AKT3: variants seen among roughly 807,000 people sequenced by gnomAD.
AKT3 encodes AKT serine/threonine kinase 3.
In AKT3, 15 loss-of-function variants were observed where a neutral mutation model predicts 65.3. That is an observed-to-expected ratio of 0.23 (90% CI 0.15 to 0.35). AKT3 has a LOEUF of 0.35. Among genes scored for constraint, AKT3 ranks in the 10% least tolerant of loss-of-function variants. The pLI is 1.00. For missense variants in AKT3, 243 were observed against 576.5 expected (o/e 0.42, Z 5.92); for synonymous variants, 206 against 183.8 (o/e 1.12, Z -0.98).
At chr1:243,776,129 CACAT>C (rs1174539884) in intron 2 of AKT3, among the ~76,000 whole-genome samples, 1 of 152,138 alleles carries the variant, frequency 6.6e-6, no homozygotes, top group Middle Eastern at 3.2e-3. Flanking sequence ...TGAATGTTAT[CACAT>C]ACTTTCCATC....
chr1:243,613,230 C>A (rs1382466332), intron 8 of AKT3, among the ~76,000 whole-genome samples: 2 of 149,978 alleles, frequency 1.3e-5, no homozygotes, highest in Non-Finnish European at 3.0e-5. Flanking sequence ...TAGTACTCTA[C>A]TATAAAGAAG....
intron 2 of AKT3, among the ~76,000 whole-genome samples, chr1:243,727,014 C>T (rs1473738551): frequency 6.6e-6 from 1 of 152,170 alleles, no homozygotes; most frequent in Admixed American, 6.5e-5. Flanking sequence ...TGGTAAAGCC[C>T]ACCTCCTTGG....
intron 2 of AKT3, among the ~76,000 whole-genome samples, chr1:243,802,819 T>G (rs1692458772): frequency 6.6e-6 from 1 of 152,170 alleles, no homozygotes; most frequent in African/African-American, 2.4e-5. Context: ...CATCCAGTGC[T>G]TTTCAGCAAA....
intron 6 of AKT3, among the ~76,000 whole-genome samples, chr1:243,625,512 T>C (rs1451907025): frequency 2.0e-5 from 3 of 152,090 alleles, no homozygotes; most frequent in African/African-American, 7.2e-5. Flanking sequence ...AAAGCTTGGA[T>C]TTTGGTTAGC....
At chr1:243,795,475 G>GT (rs369512939) in intron 2 of AKT3, among the ~76,000 whole-genome samples, 50,694 of 87,544 alleles carry the variant, frequency 0.58, 15,330 homozygotes, top group Non-Finnish European at 0.66. Flanking sequence ...TTTTTTTTTT[G>GT]GTTTTTTTTT....
chr1:243,808,704 G>C (rs565845483), intron 2 of AKT3, among the ~76,000 whole-genome samples: 18 of 152,090 alleles, frequency 1.2e-4, no homozygotes, highest in African/African-American at 4.1e-4. Flanking sequence ...TCCTCAAGAA[G>C]AGCAACTCCA....
At chr1:243,657,976 T>C (rs1434035766) in intron 4 of AKT3, among the ~76,000 whole-genome samples, 1 of 151,604 alleles carries the variant, frequency 6.6e-6, no homozygotes, top group Non-Finnish European at 1.5e-5. Context: ...CAAAACCAAC[T>C]CAAAATGGAT....
At chr1:243,764,442 G>A (rs568367954) in intron 2 of AKT3, among the ~76,000 whole-genome samples, 4 of 152,128 alleles carry the variant, frequency 2.6e-5, no homozygotes, top group Admixed American at 6.6e-5. Context: ...TGTGTACTGA[G>A]AGTACAATTC....
intron 9 of AKT3, among the ~76,000 whole-genome samples, chr1:243,566,203 C>A (rs543747432): frequency 6.6e-6 from 1 of 152,068 alleles, no homozygotes; most frequent in Non-Finnish European, 1.5e-5. Flanking sequence ...TGTGTGTGTA[C>A]GTGTGTGTAA....
intron 2 of AKT3, among the ~76,000 whole-genome samples, chr1:243,782,777 C>A (rs1690995246): frequency 6.6e-6 from 1 of 152,078 alleles, no homozygotes; most frequent in African/African-American, 2.4e-5. Context: ...CACGTATGGG[C>A]ACTCACGCAT....
At chr1:243,514,651 A>C (rs1247164532) in intron 12 of AKT3, among the ~76,000 whole-genome samples, 1 of 152,188 alleles carries the variant, frequency 6.6e-6, no homozygotes, top group Admixed American at 6.5e-5. Context: ...CATACACTAA[A>C]CAGCACACAT....
At chr1:243,743,292 C>T (rs975622064) in intron 2 of AKT3, among the ~76,000 whole-genome samples, 12 of 152,144 alleles carry the variant, frequency 7.9e-5, no homozygotes, top group African/African-American at 2.9e-4. Flanking sequence ...GGAAGAAAAA[C>T]TTTGTATATA....
intron 2 of AKT3, among the ~76,000 whole-genome samples, chr1:243,719,552 T>C (rs1030609444): frequency 5.3e-5 from 8 of 152,184 alleles, no homozygotes; most frequent in Non-Finnish European, 8.8e-5. Context: ...GTGAAGGTAA[T>C]GCTGGCTGCT....
At chr1:243,662,783 G>A (rs1040736436) in intron 4 of AKT3, among the ~76,000 whole-genome samples, 13 of 152,070 alleles carry the variant, frequency 8.5e-5, no homozygotes, top group Middle Eastern at 3.4e-3. Flanking sequence ...AGATTCTAGA[G>A]GTATATAGAA....
At chr1:243,650,433 C>T (rs529363260) in intron 4 of AKT3, among the ~76,000 whole-genome samples, 3 of 152,152 alleles carry the variant, frequency 2.0e-5, no homozygotes, top group East Asian at 3.9e-4. Context: ...TGTCAATTTT[C>T]GCTTTTGTTG....
chr1:243,616,098 T>C lies in AKT3; in HGVS notation c.562-937A>G, dbSNP rs570068213. ...CAATAGGTTTTTGGGGAGCAGGTGG[T>C]GTTACATGAATAAGTTCTTTAGTGG... is the stretch of plus-strand genomic sequence containing the variant. On this transcript the variant is annotated intron_variant, in intron 6 of 13. Transcript: ENST00000673466. Among the ~76,000 whole-genome samples the C allele has an allele frequency of 7.3e-5, 11 of 151,508 alleles. No individual in the cohort carries two copies. In the South Asian group the frequency reaches 2.3e-3, roughly 32 times the overall value.
intron 4 of AKT3, among the ~76,000 whole-genome samples, chr1:243,657,554 T>C (rs1681902935): frequency 6.6e-6 from 1 of 152,118 alleles, no homozygotes; most frequent in South Asian, 2.1e-4. Context: ...TTAATATTGT[T>C]AAGATGTCAA....
intron 2 of AKT3, among the ~76,000 whole-genome samples, chr1:243,709,692 G>A (rs1686025695): frequency 6.6e-6 from 1 of 151,878 alleles, no homozygotes; most frequent in South Asian, 2.1e-4. Flanking sequence ...TACAAATTCA[G>A]GGAAGGGAAT....
chr1:243,501,877 C>T lies in AKT3; in HGVS notation c.*3372G>A. The T allele has an allele frequency of 4.3e-6, 1 of 232,702 alleles. No individual in the cohort carries two copies. The highest frequency in any genetic ancestry group is 8.5e-6 in the Non-Finnish European group (1 of 117,780). The allele number at this position is 232,702 out of a possible 1,614,324, so 14.4% of individuals were successfully genotyped here. On this transcript the variant is annotated 3_prime_UTR_variant, in exon 14 of 14. Transcript: ENST00000673466. ...TGTACAGTGTACAAAAACAGTTTCT[C>T]CTAGTTATTCCACATCCTTGTGGGT... is the stretch of plus-strand genomic sequence containing the variant.
Sources: allele counts gnomAD v4.1 joint callset (sites outside exome capture counted in the v4.1 genomes callset), GRCh38; gene constraint gnomAD v4.1.1; transcripts MANE v1.5; gene names NCBI Gene and HGNC (gene_info 2026-07-23, HGNC 2026-07-21).